Variants in NCAM2 observed in about 807,000 individuals in gnomAD.
NCAM2 encodes N-CAM-2.
A neutral mutation model predicts 98.1 loss-of-function variants in NCAM2; 30 were observed. The ratio of observed to expected loss-of-function variants is 0.31; its 90% CI spans 0.23 to 0.41. NCAM2 has a LOEUF of 0.41. Ranked by LOEUF, NCAM2 falls within the 10% of genes least tolerant of loss-of-function variation. The pLI is 1.00. For missense variants in NCAM2, 867 were observed against 1,005.8 expected (o/e 0.86, Z 1.87); for synonymous variants, 368 against 342.4 (o/e 1.07, Z -0.83).
At chr21:21,139,801 T>G (rs2067130412) in intron 1 of NCAM2, among the ~76,000 whole-genome samples, 1 of 152,178 alleles carries the variant, frequency 6.6e-6, no homozygotes, top group Non-Finnish European at 1.5e-5. Context: ...TAGTTCTATG[T>G]GTGAAAAATA....
At chr21:21,358,990 GT>G (rs1184125944) in intron 8 of NCAM2, among the ~76,000 whole-genome samples, 1 of 151,988 alleles carries the variant, frequency 6.6e-6, no homozygotes, top group Non-Finnish European at 1.5e-5. Context: ...GAAAGCCAAG[GT>G]TATTTGGATA....
At chr21:21,348,343 C>T (rs781510331) in intron 8 of NCAM2, among the ~76,000 whole-genome samples, 1 of 151,826 alleles carries the variant, frequency 6.6e-6, no homozygotes, top group Non-Finnish European at 1.5e-5. Flanking sequence ...AAAAAATATC[C>T]CATTTGCAAT....
intron 5 of NCAM2, among the ~76,000 whole-genome samples, chr21:21,303,864 A>T (rs1043618755): frequency 6.6e-6 from 1 of 152,108 alleles, no homozygotes; most frequent in African/African-American, 2.4e-5. Flanking sequence ...GCATTTCCCT[A>T]ATGCCTCAGG....
chr21:21,390,433 A>G (rs187396395), intron 9 of NCAM2, among the ~76,000 whole-genome samples: 34 of 152,256 alleles, frequency 2.2e-4, no homozygotes, highest in Admixed American at 2.0e-3. Flanking sequence ...TTTTAAGTGA[A>G]TGACCTTTGC....
At chr21:21,215,601 G>A (rs1382698193) in intron 1 of NCAM2, among the ~76,000 whole-genome samples, 1 of 152,056 alleles carries the variant, frequency 6.6e-6, no homozygotes, top group African/African-American at 2.4e-5. Flanking sequence ...GGTGGTGCAA[G>A]CCTGTCATCC....
At chr21:21,181,058 A>G (rs2068451845) in intron 1 of NCAM2, among the ~76,000 whole-genome samples, 1 of 152,118 alleles carries the variant, frequency 6.6e-6, no homozygotes, top group Non-Finnish European at 1.5e-5. Context: ...TATATTCTGA[A>G]ACCTAACCTA....
At chr21:21,051,041 G>A (rs553770379) in intron 1 of NCAM2, among the ~76,000 whole-genome samples, 8 of 152,298 alleles carry the variant, frequency 5.3e-5, no homozygotes, top group African/African-American at 1.7e-4. Context: ...GATATGTGGT[G>A]CAAATAACCC....
intron 1 of NCAM2, among the ~76,000 whole-genome samples, chr21:21,220,695 A>G (rs1273756763): frequency 3.3e-5 from 5 of 152,084 alleles, no homozygotes; most frequent in African/African-American, 9.7e-5. Context: ...TCATACTCCT[A>G]TGTATTTCAT....
rs374079864 is a variant in NCAM2, at chr21:21,032,501, G to A, written c.55+33883G>A. Reference sequence around the variant, plus strand: ...GCAAATGTTATTGTAATTGCCAGAAGCACCATCAGCAAAGTAATACTAATG... The same window carrying A: ...GCAAATGTTATTGTAATTGCCAGAAACACCATCAGCAAAGTAATACTAATG... On this transcript the variant is annotated intron_variant, in intron 1 of 17. Transcript: ENST00000400546. 5.9e-5 allele frequency among the ~76,000 whole-genome samples: 9 copies of A among 152,252 alleles called. No individual in the cohort carries two copies. The South Asian group carries it at 1.7e-3, about 28-fold the overall frequency.
At chr21:21,421,207 A>T (rs117660139) in intron 11 of NCAM2, among the ~76,000 whole-genome samples, 1 of 152,106 alleles carries the variant, frequency 6.6e-6, no homozygotes, top group South Asian at 2.1e-4. Flanking sequence ...TGAACTTCAC[A>T]GGTAGTATTT....
At chr21:21,295,384 A>G (rs2073440412) in intron 5 of NCAM2, among the ~76,000 whole-genome samples, 1 of 151,706 alleles carries the variant, frequency 6.6e-6, no homozygotes, top group South Asian at 2.1e-4. Flanking sequence ...GTGTTTTTCA[A>G]TGCCTGGGTA....
chr21:21,298,882 G>C (rs2073597852), intron 5 of NCAM2, among the ~76,000 whole-genome samples: 1 of 151,154 alleles, frequency 6.6e-6, no homozygotes, highest in Non-Finnish European at 1.5e-5. Context: ...CTCATTGTTT[G>C]AATTGGATTC....
rs569858237 is a variant in NCAM2, at chr21:21,069,080, T to C, written c.55+70462T>C. ...CTAGCTAATTTGCATATGATTAAAA[T>C]CCAATTGTAATTATATTCACTATGG... On this transcript the variant is annotated intron_variant, in intron 1 of 17. Coordinates refer to ENST00000400546, the MANE Select transcript of NCAM2 (RefSeq NM_004540.5). Among the ~76,000 whole-genome samples, 9 of 152,276 alleles carry C rather than the reference T, an allele frequency of 5.9e-5. 1 individual carries two copies. The South Asian group carries it at 1.9e-3, about 32-fold the overall frequency.
At chr21:21,411,038 A>G (rs1180168944) in intron 10 of NCAM2, among the ~76,000 whole-genome samples, 1 of 55,830 alleles carries the variant, frequency 1.8e-5, no homozygotes, top group African/African-American at 8.4e-5. Flanking sequence ...ATATACACAC[A>G]TATATATATG....
intron 9 of NCAM2, among the ~76,000 whole-genome samples, chr21:21,398,256 T>A (rs2145859849): frequency 6.6e-6 from 1 of 152,216 alleles, no homozygotes; most frequent in East Asian, 1.9e-4. Context: ...CTTTGGGGAC[T>A]GAAGGGAAAG....
rs112306532 is a variant in NCAM2 at position 21,060,721 on chromosome 21, C to T, written c.55+62103C>T. Among the ~76,000 whole-genome samples the T allele has an allele frequency of 2.0e-3, 302 of 152,092 alleles. 1 individual carries two copies. Among genetic ancestry groups the T allele is most frequent in the Non-Finnish European group, 3.5e-3 (240 of 67,954 alleles). On this transcript the variant is annotated intron_variant, in intron 1 of 17. Transcript: ENST00000400546. Reference sequence around the variant, plus strand: ...TAGCATAGACACACACAGACATTTACCCACACATATAGTTTTATTTGAAGA... The same window carrying T: ...TAGCATAGACACACACAGACATTTATCCACACATATAGTTTTATTTGAAGA...
intron 8 of NCAM2, among the ~76,000 whole-genome samples, chr21:21,361,535 ATTGGGCACCCTAGTCTGCCATTTTTTC>A (rs1248937623): frequency 1.3e-5 from 2 of 151,894 alleles, no homozygotes; most frequent in Non-Finnish European, 2.9e-5. Context: ...CATCTAAATA[ATTGGGCACCCTAGTCTGCCATTTTTTC>A]TTGGATTTCT....
intron 17 of NCAM2, among the ~76,000 whole-genome samples, chr21:21,535,718 A>C (rs1602582705): frequency 6.6e-6 from 1 of 152,146 alleles, no homozygotes; most frequent in African/African-American, 2.4e-5. Flanking sequence ...CACTTTAGAA[A>C]TAAGAGGTGT....
chr21:21,125,412 T>TTACATATA, intron 1 of NCAM2, among the ~76,000 whole-genome samples: 1 of 84,918 alleles, frequency 1.2e-5, no homozygotes, highest in Admixed American at 1.6e-4. Flanking sequence ...TATATAATAT[T>TTACATATA]TTACATATAT....
Sources: gnomAD v4.1 joint callset for allele counts (sites outside exome capture counted in the v4.1 genomes callset) on GRCh38, gnomAD v4.1.1 for gene constraint, MANE v1.5 for transcripts, NCBI Gene and HGNC (gene_info 2026-07-23, HGNC 2026-07-21) for gene names.